The following PPP2R2B variants were observed in gnomAD, a reference collection of about 807,000 sequenced individuals.
The protein encoded by PPP2R2B is serine/threonine-protein phosphatase 2A 55 kDa regulatory subunit B beta isoform.
Under a neutral mutation model 46.0 loss-of-function variants are expected in PPP2R2B, and 5 were observed. The observed-to-expected ratio is 0.11, with a 90% CI of 0.06 to 0.23. The LOEUF is 0.23. PPP2R2B is among the 10% of genes least tolerant of loss of function. PPP2R2B has a pLI of 1.00. For missense variants in PPP2R2B, 367 were observed against 575.0 expected, an observed-to-expected ratio of 0.64 and a Z score of 3.70; for synonymous variants, 215 against 206.7, an observed-to-expected ratio of 1.04 and a Z score of -0.34.
chr5:146,983,382 A>T (rs373434857), intron 1 of PPP2R2B, among the ~76,000 whole-genome samples: 75 of 151,968 alleles, frequency 4.9e-4, no homozygotes, highest in African/African-American at 6.5e-4. Context: ...GGGTTTCACC[A>T]TGTTAGCCAG....
At chr5:146,980,717 T>A (rs1031032717) in intron 1 of PPP2R2B, among the ~76,000 whole-genome samples, 1 of 152,196 alleles carries the variant, frequency 6.6e-6, no homozygotes, top group Non-Finnish European at 1.5e-5. Context: ...TTACAGTATC[T>A]TTTGCATGTA....
At chr5:146,805,783 G>T (rs1185702335) in intron 2 of PPP2R2B, among the ~76,000 whole-genome samples, 1 of 152,090 alleles carries the variant, frequency 6.6e-6, no homozygotes, top group African/African-American at 2.4e-5. Flanking sequence ...GGCTTAAGGG[G>T]AAGGCTGTGT....
intron 5 of PPP2R2B, among the ~76,000 whole-genome samples, chr5:146,687,725 G>A (rs1778598736): frequency 6.6e-6 from 1 of 152,164 alleles, no homozygotes; most frequent in East Asian, 1.9e-4. Flanking sequence ...TAATGAGATT[G>A]ATTTTGAAAG....
At chr5:146,680,888 T>C (rs535568353) in intron 5 of PPP2R2B, among the ~76,000 whole-genome samples, 1 of 152,318 alleles carries the variant, frequency 6.6e-6, no homozygotes, top group Admixed American at 6.5e-5. Context: ...TAAAATATAT[T>C]TTTCTGTTGA....
chr5:146,974,084 A>T (rs1373336118), intron 1 of PPP2R2B, among the ~76,000 whole-genome samples: 1 of 152,248 alleles, frequency 6.6e-6, no homozygotes, highest in Non-Finnish European at 1.5e-5. Context: ...GTTAGAAAAG[A>T]GTAAACTCTT....
At chr5:146,995,226 A>G (rs975042892) in intron 1 of PPP2R2B, among the ~76,000 whole-genome samples, 10 of 152,230 alleles carry the variant, frequency 6.6e-5, no homozygotes, top group African/African-American at 2.4e-4. Context: ...ATATGTTTCC[A>G]TAGTAATCAG....
chr5:146,653,499 C>T (rs988920364), intron 5 of PPP2R2B, among the ~76,000 whole-genome samples: 8 of 152,158 alleles, frequency 5.3e-5, no homozygotes, highest in African/African-American at 1.9e-4. Context: ...TACCTGGTTC[C>T]TCTGCCGTCA....
Position 146,590,684 on chromosome 5 carries a change from G to A in PPP2R2B, c.1053-458C>T, listed in dbSNP as rs530065983. Among the ~76,000 whole-genome samples the A allele has an allele frequency of 9.9e-5, 15 of 152,250 alleles. No individual in the cohort carries two copies. The East Asian group carries it at 2.7e-3, about 28-fold the overall frequency. On this transcript the variant is annotated intron_variant, in intron 9 of 9. Coordinates refer to ENST00000394411, the MANE Select transcript of PPP2R2B (RefSeq NM_181675.4). ...CCACTGTCAACAGGGTTCCTGGGCC[G>A]TCTGGCCTCTAAGGCTTCATGGCAT...
chr5:146,632,367 C>A (rs1353815140), intron 7 of PPP2R2B, among the ~76,000 whole-genome samples: 1 of 152,186 alleles, frequency 6.6e-6, no homozygotes, highest in African/African-American at 2.4e-5. Context: ...GGCTTCCAGC[C>A]TCCAGAACTT....
chr5:147,001,603 C>A (rs185332320), intron 1 of PPP2R2B, among the ~76,000 whole-genome samples: 2 of 152,120 alleles, frequency 1.3e-5, no homozygotes, highest in Admixed American at 6.5e-5. Context: ...TCAGCGAGAC[C>A]AAGAACCCAC....
At chr5:146,797,241 G>A (rs904493998) in intron 2 of PPP2R2B, among the ~76,000 whole-genome samples, 1 of 152,110 alleles carries the variant, frequency 6.6e-6, no homozygotes, top group African/African-American at 2.4e-5. Flanking sequence ...CACCATCTGT[G>A]GATTCTTGTC....
intron 1 of PPP2R2B, among the ~76,000 whole-genome samples, chr5:147,018,021 C>T (rs540469720): frequency 4.4e-4 from 62 of 142,230 alleles, no homozygotes; most frequent in African/African-American, 1.1e-3. Context: ...TTATAGTCTA[C>T]GACACACACA....
At chr5:146,668,015 C>T (rs752707928) in intron 5 of PPP2R2B, among the ~76,000 whole-genome samples, 1 of 152,176 alleles carries the variant, frequency 6.6e-6, no homozygotes, top group South Asian at 2.1e-4. Flanking sequence ...ACATCCACAC[C>T]TTTTCCTAGG....
intron 2 of PPP2R2B, among the ~76,000 whole-genome samples, chr5:146,807,776 C>CCTTTTTTTTTTTTTTTTTTTT (rs1757269168): frequency 2.7e-5 from 1 of 36,902 alleles, no homozygotes; most frequent in African/African-American, 7.9e-5. Context: ...GGGGTGCCTT[C>CCTTTTTTTTTTTTTTTTTTTT]TTTTTTTTTT....
chr5:146,979,164 T>G (rs1753048755), intron 1 of PPP2R2B, among the ~76,000 whole-genome samples: 1 of 152,206 alleles, frequency 6.6e-6, no homozygotes, highest in African/African-American at 2.4e-5. Context: ...TACTTGCTGT[T>G]TCCTTGGCCT....
intron 2 of PPP2R2B, among the ~76,000 whole-genome samples, chr5:146,744,896 TG>T (rs577163435): frequency 3.5e-4 from 53 of 152,222 alleles, no homozygotes; most frequent in South Asian, 1.0e-3. Flanking sequence ...TCAGGGCCTC[TG>T]GGGGTGGCCT....
At chr5:146,817,160 AGTG>A (rs1374640589) in intron 2 of PPP2R2B, among the ~76,000 whole-genome samples, 1 of 152,152 alleles carries the variant, frequency 6.6e-6, no homozygotes, top group Non-Finnish European at 1.5e-5. Context: ...CATCATCTAG[AGTG>A]TCAAGATCTT....
intron 1 of PPP2R2B, among the ~76,000 whole-genome samples, chr5:147,054,355 T>C (rs720303): frequency 0.65 from 99,302 of 152,010 alleles, 34,080 homozygotes; most frequent in South Asian, 0.77. Context: ...CCATGCCATT[T>C]TTTCATTCCT....
chr5:146,754,536 T>A (rs1343775529), intron 2 of PPP2R2B, among the ~76,000 whole-genome samples: 1 of 152,212 alleles, frequency 6.6e-6, no homozygotes, highest in Non-Finnish European at 1.5e-5. Flanking sequence ...CCTTATGAGA[T>A]GCAGCTTAAT....
Sources: gnomAD v4.1 joint callset for allele counts (sites outside exome capture counted in the v4.1 genomes callset) on GRCh38, gnomAD v4.1.1 for gene constraint, MANE v1.5 for transcripts, NCBI Gene and HGNC (gene_info 2026-07-23, HGNC 2026-07-21) for gene names.